Variants in ARL15 observed in about 807,000 individuals in gnomAD.
ARL15 encodes the protein ARF like GTPase 15.
A neutral mutation model predicts 25.2 loss-of-function variants in ARL15; 19 were observed. The ratio of observed to expected loss-of-function variants is 0.75; its 90% CI spans 0.53 to 1.10. The LOEUF (loss-of-function observed/expected upper bound fraction) is 1.10, where lower values mean the gene tolerates loss of function less well. Among genes scored for constraint, ARL15 ranks in the 50% least tolerant of loss-of-function variants. The pLI, the probability that ARL15 is intolerant of heterozygous loss-of-function variation, is 0.00. For synonymous variants in ARL15, 94 were observed against 86.8 expected (o/e 1.08, Z -0.46); for missense variants, 220 against 246.0 (o/e 0.89, Z 0.71).
At chr5:54,133,819 A>G (rs1423600051) in intron 3 of ARL15, among the ~76,000 whole-genome samples, 1 of 152,196 alleles carries the variant, frequency 6.6e-6, no homozygotes, top group African/African-American at 2.4e-5. Context: ...ACAGGAAGAC[A>G]GTTAAAGGAG....
intron 3 of ARL15, among the ~76,000 whole-genome samples, chr5:54,148,949 CT>C (rs1412071280): frequency 6.6e-6 from 1 of 152,186 alleles, no homozygotes; most frequent in Non-Finnish European, 1.5e-5. Flanking sequence ...ACATTCATGA[CT>C]GCATAGAAAC....
chr5:54,125,757 T>C (rs1753232025), intron 3 of ARL15, among the ~76,000 whole-genome samples: 1 of 152,110 alleles, frequency 6.6e-6, no homozygotes, highest in Non-Finnish European at 1.5e-5. Flanking sequence ...GCTGTTTAAG[T>C]CCCCAAATTT....
chr5:54,068,840 T>C (rs1579761208), intron 4 of ARL15, among the ~76,000 whole-genome samples: 1 of 152,294 alleles, frequency 6.6e-6, no homozygotes, highest in Non-Finnish European at 1.5e-5. Context: ...GGAAAATGAG[T>C]TCTGGAGCTC....
chr5:54,248,931 G>C lies in ARL15; in HGVS notation c.48+61501C>G, dbSNP rs138679679. ...AAAAACCAGACTGACGGCTGGGTGTGGTGGCTCACGCCTGTAATCCCAGCA... is the reference window on the plus strand; with the variant it reads ...AAAAACCAGACTGACGGCTGGGTGTCGTGGCTCACGCCTGTAATCCCAGCA... On this transcript the variant is annotated intron_variant, in intron 1 of 4. Coordinates refer to ENST00000504924, the MANE Select transcript of ARL15 (RefSeq NM_019087.3). Among the ~76,000 whole-genome samples, 282 of 152,264 alleles carry C rather than the reference G, an allele frequency of 1.9e-3. 2 individuals are homozygous for C. The highest frequency in any genetic ancestry group is 6.5e-3 in the African/African-American group (270 of 41,552).
intron 1 of ARL15, among the ~76,000 whole-genome samples, chr5:54,256,422 A>T (rs1420112510): frequency 6.7e-6 from 1 of 149,432 alleles, no homozygotes; most frequent in East Asian, 1.9e-4. Flanking sequence ...TTAAAAAAAA[A>T]AAAAAAAAAA....
intron 1 of ARL15, among the ~76,000 whole-genome samples, chr5:54,298,390 T>C (rs777139000): frequency 3.9e-5 from 6 of 152,176 alleles, no homozygotes; most frequent in Non-Finnish European, 7.3e-5. Context: ...TCTCTGGTCA[T>C]CCTCGGCCCT....
chr5:54,093,472 A>G (rs1373589925), intron 4 of ARL15, among the ~76,000 whole-genome samples: 1 of 152,114 alleles, frequency 6.6e-6, no homozygotes, highest in Non-Finnish European at 1.5e-5. Flanking sequence ...ACATTCAGCA[A>G]TGCTCTATTT....
chr5:54,247,227 T>G (rs987869335), intron 1 of ARL15, among the ~76,000 whole-genome samples: 6 of 152,136 alleles, frequency 3.9e-5, no homozygotes, highest in African/African-American at 1.2e-4. Context: ...GTTTTGTTTT[T>G]TTTTTTTAAG....
chr5:54,283,223 G>T (rs1258362679), intron 1 of ARL15, among the ~76,000 whole-genome samples: 2 of 152,186 alleles, frequency 1.3e-5, no homozygotes, highest in Non-Finnish European at 1.5e-5. Flanking sequence ...AGACCAAGAA[G>T]TCGCATCAGA....
intron 1 of ARL15, 89 bp from the exon 2 acceptor site, chr5:54,172,017 A>G: frequency 6.8e-7 from 1 of 1,472,680 alleles, no homozygotes; most frequent in Non-Finnish European, 9.2e-7. Flanking sequence ...GTAAGTATTA[A>G]GAGGTAATTG....
intron 1 of ARL15, among the ~76,000 whole-genome samples, chr5:54,289,857 A>T (rs1364318657): frequency 6.6e-6 from 1 of 152,220 alleles, no homozygotes; most frequent in Non-Finnish European, 1.5e-5. Flanking sequence ...TTGACATATA[A>T]TGTATATTTT....
intron 4 of ARL15, among the ~76,000 whole-genome samples, chr5:53,964,658 C>T (rs911635998): frequency 2.3e-4 from 35 of 152,304 alleles, no homozygotes; most frequent in African/African-American, 8.2e-4. Context: ...CCGCACCTGG[C>T]CTCTATACTG....
chr5:53,907,470 ATATATATATATATATATATTTT>A (rs1337532442), intron 4 of ARL15, among the ~76,000 whole-genome samples: 2 of 19,400 alleles, frequency 1.0e-4, no homozygotes, highest in Non-Finnish European at 2.0e-4. Flanking sequence ...ATATATATAT[ATATATATATATATATATATTTT>A]TTTTTTTTTT....
chr5:53,900,157 C>A (rs2111935186), intron 4 of ARL15, among the ~76,000 whole-genome samples: 1 of 152,268 alleles, frequency 6.6e-6, no homozygotes, highest in East Asian at 1.9e-4. Flanking sequence ...TGTGTGCCCA[C>A]TGGATTCAGA....
At chr5:54,081,269 T>C (rs926217262) in intron 4 of ARL15, among the ~76,000 whole-genome samples, 7 of 152,208 alleles carry the variant, frequency 4.6e-5, no homozygotes, top group African/African-American at 1.7e-4. Flanking sequence ...TGAAAACTTT[T>C]AACAAAGCAG....
chr5:54,228,184 C>G (rs1449086934), intron 1 of ARL15, among the ~76,000 whole-genome samples: 1 of 152,100 alleles, frequency 6.6e-6, no homozygotes, highest in East Asian at 1.9e-4. Flanking sequence ...TCTCACATCC[C>G]TAAAAATAGA....
chr5:54,126,199 A>C (rs1753246836), intron 3 of ARL15, among the ~76,000 whole-genome samples: 1 of 152,086 alleles, frequency 6.6e-6, no homozygotes, highest in East Asian at 1.9e-4. Context: ...ATCTACCTCT[A>C]ATATCACGAA....
chr5:54,278,543 G>C (rs1484678819), intron 1 of ARL15, among the ~76,000 whole-genome samples: 1 of 152,156 alleles, frequency 6.6e-6, no homozygotes, highest in African/African-American at 2.4e-5. Context: ...ACTATCTCCT[G>C]TGCTGTACTC....
At chr5:54,192,761 G>T (rs758810751) in intron 1 of ARL15, among the ~76,000 whole-genome samples, 5 of 152,048 alleles carry the variant, frequency 3.3e-5, no homozygotes, top group Non-Finnish European at 4.4e-5. Flanking sequence ...AACAGAAAAC[G>T]TAAGTGTCAT....
Sources: gnomAD v4.1 joint callset for allele counts (sites outside exome capture counted in the v4.1 genomes callset) on GRCh38, gnomAD v4.1.1 for gene constraint, MANE v1.5 for transcripts, NCBI Gene and HGNC (gene_info 2026-07-23, HGNC 2026-07-21) for gene names.